Variants in CDAN1 observed in about 807,000 individuals in gnomAD.
The protein encoded by CDAN1 is codanin-1.
A neutral mutation model predicts 139.8 loss-of-function variants in CDAN1; 107 were observed. That is an observed-to-expected ratio of 0.77 (90% CI 0.65 to 0.90). CDAN1 has a LOEUF of 0.90. Among genes scored for constraint, CDAN1 ranks in the 40% least tolerant of loss-of-function variants. The pLI is 0.00. For synonymous variants in CDAN1, 776 were observed against 660.6 expected, an observed-to-expected ratio of 1.17 and a Z score of -2.68; for missense variants, 1,667 against 1,575.7, an observed-to-expected ratio of 1.06 and a Z score of -0.98.
rs1019384351 is a variant in CDAN1 at position 42,733,285 on chromosome 15, T to A, written c.1368-99A>T. On this transcript the variant is annotated intron_variant, in intron 8 of 27. Coordinates refer to ENST00000356231, the MANE Select transcript of CDAN1 (RefSeq NM_138477.4). ...CCGTAGCCCACCCACCACCTTTTTT[T>A]TTTTTGGAGATGGAGTCTTGCTCTT... 4 of 970,160 alleles carry A rather than the reference T, an allele frequency of 4.1e-6. No homozygotes were observed. The African/African-American group carries it at 6.4e-5, about 15-fold the overall frequency. The allele number at this position is 970,160 out of a possible 1,614,324, so 60.1% of individuals were successfully genotyped here.
chr15:42,733,011 A>T, intron 9 of CDAN1, 86 bp downstream of exon 9: 189 of 1,029,024 alleles, frequency 1.8e-4, no homozygotes, highest in Non-Finnish European at 2.8e-4. Flanking sequence ...AGCGGGGAAA[A>T]CCTTCCCTCC....
At chr15:42,733,008 AAAAC>A in intron 9 of CDAN1, 85 bp downstream of exon 9, 7 of 1,030,796 alleles carry the variant, frequency 6.8e-6, no homozygotes, top group Non-Finnish European at 1.0e-5. Flanking sequence ...AGGAGCGGGG[AAAAC>A]CTTCCCTCCT....
Position 42,730,205 on chromosome 15 carries a change from A to G in CDAN1, c.2185T>C (p.Leu729=), listed in dbSNP as rs748032155. Residue 729 remains leucine, a synonymous_variant, in exon 15 of 28, where the codon TTG becomes CTG. Coordinates refer to ENST00000356231, the MANE Select transcript of CDAN1 (RefSeq NM_138477.4). ...ATCTTCCCCTCACTCTCCTGCGACA[A>G]CACCAAGCTCCTGAAACATCAATGG... is the stretch of plus-strand genomic sequence containing the variant. ...LLLRLHRSLV[L]SQESEGKMCF... is the part of the protein sequence containing the mutation. The G allele has an allele frequency of 3.7e-6, 6 of 1,614,004 alleles. No homozygotes were observed. The highest frequency in any genetic ancestry group is 4.2e-6 in the Non-Finnish European group (5 of 1,179,980).
At chr15:42,733,239 TC>T in intron 8 of CDAN1, 53 bp from the exon 9 acceptor site, 2 of 1,446,456 alleles carry the variant, frequency 1.4e-6, no homozygotes, top group Non-Finnish European at 1.9e-6. Context: ...ACCAGTGCCT[TC>T]CTGCCCCTGG....
In CDAN1 at chr15:42,731,348, G is replaced by T; in HGVS notation, c.1740-17C>A. 6.2e-7 allele frequency: 1 copy of T among 1,613,188 alleles called. No homozygotes were observed. Among genetic ancestry groups the T allele is most frequent in the Non-Finnish European group, 8.5e-7 (1 of 1,180,038 alleles). On this transcript the variant is annotated splice_polypyrimidine_tract_variant and intron_variant, in intron 11 of 27. Coordinates refer to ENST00000356231, the MANE Select transcript of CDAN1 (RefSeq NM_138477.4). ...AACTGGAAGCTGAGAAGAAGGGGTG[G>T]GTGGGGCATAAGCACTGGAAGAGGT...
At chr15:42,731,137 A>T in intron 12 of CDAN1, 66 bp from the exon 13 acceptor site, 19 of 1,614,212 alleles carry the variant, frequency 1.2e-5, no homozygotes, top group Non-Finnish European at 1.6e-5. Flanking sequence ...CCGATCTGTT[A>T]TAAAGTTTTT....
intron 1 of CDAN1, 73 bp downstream of exon 1, chr15:42,736,940 G>C: frequency 6.7e-7 from 1 of 1,487,548 alleles, no homozygotes. Context: ...CCTAGAGGAA[G>C]GGGACTGGAG....
intron 23 of CDAN1, chr15:42,726,982 A>G (rs1595850854): frequency 6.4e-6 from 1 of 156,544 alleles, no homozygotes; most frequent in Admixed American, 6.2e-5. Context: ...ACCAGACAGT[A>G]AATATTTTAG....
In CDAN1 at chr15:42,737,046, C is replaced by G. The variant is rs150418267; in HGVS notation, c.57G>C (p.Val19=). ...LREEVSVAAV[V]RWIARSTQGS... ...CCTGGGTGCTGCGCGCGATCCACCG[C>G]ACGACGGCTGCGACCGACACCTCTT... Residue 19 remains valine (V), a synonymous_variant, in exon 1 of 28, where the codon GTG becomes GTC. Coordinates refer to ENST00000356231, the MANE Select transcript of CDAN1 (RefSeq NM_138477.4). 74 of 1,548,102 alleles carry G rather than the reference C, an allele frequency of 4.8e-5. No individual in the cohort carries two copies. In the African/African-American group the frequency reaches 9.0e-4, roughly 19 times the overall value.
Position 42,731,753 on chromosome 15 carries a change from C to G in CDAN1, c.1606G>C (p.Ala536Pro), listed in dbSNP as rs370773802. 14 of 1,614,084 alleles carry G rather than the reference C, an allele frequency of 8.7e-6. No individual in the cohort carries two copies. The African/African-American group carries it at 1.3e-4, about 15-fold the overall frequency. Residue 536 changes from alanine (A) to proline (P), a missense_variant, in exon 11 of 28, where the codon GCT becomes CCT. Coordinates refer to ENST00000356231, the MANE Select transcript of CDAN1 (RefSeq NM_138477.4). ...CGCCACAACCGCCCCAGCTTGTCAG[C>G]TCCCAGCATACTCAACACATCTGGG... ...EAPDVLSMLGADKLGRLWRLQ... is the reference protein window; with the variant it reads ...EAPDVLSMLGPDKLGRLWRLQ...
In CDAN1 at chr15:42,729,029, T is replaced by A; in HGVS notation, c.2639A>T (p.His880Leu). The A allele has an allele frequency of 8.7e-6, 14 of 1,614,098 alleles. No individual in the cohort carries two copies. Among genetic ancestry groups the A allele is most frequent in the Non-Finnish European group, 1.2e-5 (14 of 1,179,922 alleles). The stretch of plus-strand genomic sequence containing the variant: ...ATCCTTAACCCACTCTTACTTGATA[T>A]GTTTGACACAGTTTGATCCAATTCT... ...AERIGSNCVK[H>L]IKATLVADLV... Residue 880 changes from histidine (H) to leucine (L), a missense_variant, in exon 19 of 28, where the codon CAT (histidine) becomes CTT (leucine). Around this residue, in one of 3 missense-constraint regions of CDAN1, gnomAD observed 936 missense variants for 844.1 expected, o/e 1.11. Transcript: ENST00000356231.
rs754733921 is a variant in CDAN1 at position 42,732,430 on chromosome 15, T to G, written c.1458-22A>C. On this transcript the variant is annotated intron_variant, in intron 9 of 27. Coordinates refer to ENST00000356231, the MANE Select transcript of CDAN1 (RefSeq NM_138477.4). ...GGCCCTGAGGAATAGAAGGCAGGAA[T>G]GAAGGGTGTGGAAAGGAGGGAGAGG... 3.7e-6 allele frequency: 6 copies of G among 1,607,882 alleles called. No individual in the cohort carries two copies. In the South Asian group the frequency reaches 6.6e-5, roughly 18 times the overall value.
rs1037395892 is a variant in CDAN1 at position 42,736,641 on chromosome 15, C to G, written c.230G>C (p.Gly77Ala). The G allele has an allele frequency of 5.3e-6, 8 of 1,522,198 alleles. No individual in the cohort carries two copies. The African/African-American group carries it at 1.1e-4, about 22-fold the overall frequency. The allele number at this position is 1,522,198 out of a possible 1,614,324, so 94.3% of individuals were successfully genotyped here. ...CCTCCCTGGCAAGGCTGCCGAGGCG[C>G]CCGGGGTCTTGGCGGGGGTCGGGGG... ...QGPPTPAKTP[G>A]ASAALPGRPG... Residue 77 changes from glycine to alanine, a missense_variant, in exon 2 of 28, where the codon GGC becomes GCC. By Grantham distance (60) the Gly-to-Ala change is moderately conservative. Around this residue, in one of 3 missense-constraint regions of CDAN1, gnomAD observed 487 missense variants for 422.2 expected, o/e 1.15. Coordinates refer to ENST00000356231, the MANE Select transcript of CDAN1 (RefSeq NM_138477.4).
chr15:42,735,751 A>C, intron 3 of CDAN1, 72 bp from the exon 4 acceptor site: 1 of 1,588,694 alleles, frequency 6.3e-7, no homozygotes, highest in Non-Finnish European at 8.6e-7. Flanking sequence ...GTCACTCCAG[A>C]GAAGATACCA....
chr15:42,730,344 T>C (rs1595856695), intron 14 of CDAN1, 129 bp from the exon 15 acceptor site: 1 of 971,918 alleles, frequency 1.0e-6, no homozygotes, highest in Non-Finnish European at 1.6e-6. Flanking sequence ...GCAAGCAGGA[T>C]CCCCCCAGCC....
chr15:42,724,735 C>T, intron 27 of CDAN1, 119 bp from the exon 28 acceptor site: 1 of 1,223,266 alleles, frequency 8.2e-7, no homozygotes. Flanking sequence ...CTGCCCTCCA[C>T]ACTGAAATGG....
chr15:42,731,408 G>A (rs2061610059), intron 11 of CDAN1, 77 bp from the exon 12 acceptor site: 1 of 1,593,316 alleles, frequency 6.3e-7, no homozygotes, highest in Non-Finnish European at 8.6e-7. Flanking sequence ...GGGCACTCCA[G>A]AGGGAAGGGA....
At position 42,731,842 on chromosome 15, in the gene CDAN1, A is replaced by C. The variant is rs772931434; in HGVS notation, c.1534-17T>G. 2 of 1,613,006 alleles carry C rather than the reference A, an allele frequency of 1.2e-6. No individual in the cohort carries two copies. The highest frequency in any genetic ancestry group is 1.1e-5 in the South Asian group (1 of 91,010). ...CTGACACATCTAGGGTGGAAGAGGAAGGAGAGAAATTAAAAAAATCAGCAA... is the reference window on the plus strand; with the variant it reads ...CTGACACATCTAGGGTGGAAGAGGACGGAGAGAAATTAAAAAAATCAGCAA... On this transcript the variant is annotated splice_polypyrimidine_tract_variant and intron_variant, in intron 10 of 27. Transcript: ENST00000356231.
rs139291008 is a variant in CDAN1, at chr15:42,731,792, C to T, written c.1567G>A (p.Val523Ile). Reference sequence around the variant, plus strand: ...AACACATCTGGGGCCTCGCCCAAGACGGTGCCCCCAGCACCACCAGGGCTC... The same window carrying T: ...AACACATCTGGGGCCTCGCCCAAGATGGTGCCCCCAGCACCACCAGGGCTC... ...CQSPGGAGGTVLGEAPDVLSM... is the reference protein window; with the variant it reads ...CQSPGGAGGTILGEAPDVLSM... The change falls in exon 11 of 28, where the codon GTC (valine) becomes ATC (isoleucine). Residue 523 changes from valine (V) to isoleucine (I), a missense_variant. Physicochemically the swap from Val to Ile is conservative, Grantham distance 29. This residue lies in a region of CDAN1 where 244 missense variants were observed against 309.4 expected (regional missense o/e 0.79). Coordinates refer to ENST00000356231, the MANE Select transcript of CDAN1 (RefSeq NM_138477.4). 1.6e-4 allele frequency: 260 copies of T among 1,614,106 alleles called. No homozygotes were observed. In the African/African-American group the frequency reaches 2.1e-3, roughly 13 times the overall value.
Sources: allele counts gnomAD v4.1 joint callset, GRCh38; gene constraint gnomAD v4.1.1; regional missense constraint gnomAD v4.1.1; transcripts MANE v1.5; gene names NCBI Gene and HGNC (gene_info 2026-07-23, HGNC 2026-07-21).